Variants in FAM13A observed in about 807,000 individuals in gnomAD.
FAM13A encodes protein FAM13A.
Under a neutral mutation model 129.6 loss-of-function variants are expected in FAM13A, and 76 were observed. The ratio of observed to expected loss-of-function variants is 0.59; its 90% CI spans 0.49 to 0.71. The LOEUF (loss-of-function observed/expected upper bound fraction) is 0.71. Ranked by LOEUF, FAM13A falls within the 30% of genes least tolerant of loss-of-function variation. FAM13A has a pLI of 0.00. For synonymous variants in FAM13A, 443 were observed against 449.9 expected (o/e 0.98, Z 0.20); for missense variants, 1,108 against 1,249.3 (o/e 0.89, Z 1.70).
chr4:88,871,963 A>G (rs1300390661), intron 6 of FAM13A, among the ~76,000 whole-genome samples: 1 of 152,254 alleles, frequency 6.6e-6, no homozygotes, highest in African/African-American at 2.4e-5. Context: ...GAAACTCTAC[A>G]AGCCAGAAGA....
At chr4:88,759,375 C>G (rs981213039) in intron 13 of FAM13A, 5 of 154,884 alleles carry the variant, frequency 3.2e-5, no homozygotes, top group African/African-American at 1.2e-4. Context: ...GAAAGCTCCC[C>G]TGCCGGCCCT....
At chr4:89,029,250 G>A (rs1768380090) in intron 2 of FAM13A, among the ~76,000 whole-genome samples, 1 of 152,150 alleles carries the variant, frequency 6.6e-6, no homozygotes, top group Non-Finnish European at 1.5e-5. Flanking sequence ...TAAAGTGATT[G>A]CTCTATGGTT....
intron 18 of FAM13A, among the ~76,000 whole-genome samples, 166 bp from the exon 19 acceptor site, chr4:88,747,181 G>C (rs1017497759): frequency 1.3e-5 from 2 of 152,166 alleles, no homozygotes; most frequent in African/African-American, 4.8e-5. Context: ...TGAGCTCTTG[G>C]GAGAAACGTG....
intron 10 of FAM13A, among the ~76,000 whole-genome samples, chr4:88,787,068 T>C (rs1724119570): frequency 6.6e-6 from 1 of 152,088 alleles, no homozygotes; most frequent in Admixed American, 6.6e-5. Context: ...TCTATATAAA[T>C]TTATTTTCCT....
intron 4 of FAM13A, among the ~76,000 whole-genome samples, chr4:88,983,580 T>C (rs183704742): frequency 3.3e-5 from 5 of 152,250 alleles, no homozygotes; most frequent in African/African-American, 4.8e-5. Flanking sequence ...TACTTGATAA[T>C]AGATTTAACA....
chr4:88,922,406 A>C (rs2148722912), intron 5 of FAM13A, among the ~76,000 whole-genome samples: 1 of 152,222 alleles, frequency 6.6e-6, no homozygotes, highest in Middle Eastern at 3.4e-3. Context: ...CTCACTCAAA[A>C]CCGCTCAACT....
chr4:88,832,987 C>T (rs1465575998), intron 7 of FAM13A, among the ~76,000 whole-genome samples: 2 of 152,130 alleles, frequency 1.3e-5, no homozygotes, highest in Admixed American at 1.3e-4. Context: ...CCCAAATGCC[C>T]ATCAATGATA....
At chr4:88,734,181 T>A (rs191539148) in intron 21 of FAM13A, among the ~76,000 whole-genome samples, 1,943 of 152,294 alleles carry the variant, frequency 0.013, 43 homozygotes, top group African/African-American at 0.043. Context: ...CATTTTTCCT[T>A]TTTTGATAGA....
intron 13 of FAM13A, among the ~76,000 whole-genome samples, chr4:88,760,859 C>T (rs1336200621): frequency 2.0e-5 from 3 of 146,452 alleles, no homozygotes; most frequent in South Asian, 2.3e-4. Flanking sequence ...GGGTCGTGGG[C>T]GGGGGGAAGC....
intron 6 of FAM13A, among the ~76,000 whole-genome samples, chr4:88,897,857 C>T (rs115031272): frequency 0.017 from 2,576 of 152,236 alleles, 58 homozygotes; most frequent in African/African-American, 0.059. Flanking sequence ...ACAAGCTCTG[C>T]CTCATTTCTG....
chr4:88,747,184 G>A (rs1292495159), intron 18 of FAM13A, among the ~76,000 whole-genome samples, 169 bp from the exon 19 acceptor site: 8 of 152,166 alleles, frequency 5.3e-5, no homozygotes, highest in Non-Finnish European at 1.2e-4. Flanking sequence ...GCTCTTGGGA[G>A]AAACGTGGCC....
intron 7 of FAM13A, among the ~76,000 whole-genome samples, chr4:88,807,785 C>T (rs763490132): frequency 5.3e-5 from 8 of 152,096 alleles, no homozygotes; most frequent in Non-Finnish European, 7.4e-5. Context: ...TATACTGGCA[C>T]GATGTCAAGA....
At chr4:89,051,088 G>C (rs1267148115) in intron 1 of FAM13A, among the ~76,000 whole-genome samples, 1 of 152,162 alleles carries the variant, frequency 6.6e-6, no homozygotes, top group Non-Finnish European at 1.5e-5. Context: ...AATATGCAAG[G>C]AAGTAGCTTA....
chr4:88,822,889 A>G, intron 7 of FAM13A: 1 of 1,560,622 alleles, frequency 6.4e-7, no homozygotes, highest in South Asian at 1.2e-5. Flanking sequence ...GCATGTTACT[A>G]AAAGATGCCA....
At chr4:89,005,148 T>C (rs886422615) in intron 3 of FAM13A, among the ~76,000 whole-genome samples, 4 of 152,206 alleles carry the variant, frequency 2.6e-5, no homozygotes, top group African/African-American at 9.7e-5. Flanking sequence ...CTCCCACTTA[T>C]AAGTGAGAAC....
intron 6 of FAM13A, among the ~76,000 whole-genome samples, chr4:88,860,719 T>C: frequency 6.6e-6 from 1 of 152,210 alleles, no homozygotes; most frequent in South Asian, 2.1e-4. Context: ...TTTCTTTTAA[T>C]GTAGGCCCTA....
intron 4 of FAM13A, among the ~76,000 whole-genome samples, chr4:88,973,131 A>AT (rs70959640): frequency 0.035 from 4,708 of 134,470 alleles, 131 homozygotes; most frequent in Middle Eastern, 0.066. Context: ...CCTAGGCATA[A>AT]TTTTTTTTTT....
chr4:88,989,383 C>T (rs1762665926), intron 4 of FAM13A, among the ~76,000 whole-genome samples: 1 of 152,098 alleles, frequency 6.6e-6, no homozygotes, highest in African/African-American at 2.4e-5. Flanking sequence ...AGGTGGATTG[C>T]TTGAGCCCAG....
chr4:88,752,951 G>A (rs1182620469), intron 14 of FAM13A, among the ~76,000 whole-genome samples: 1 of 152,234 alleles, frequency 6.6e-6, no homozygotes, highest in African/African-American at 2.4e-5. Flanking sequence ...TGGCAAAGCA[G>A]CAAAGCCACT....
Sources: gnomAD v4.1 joint callset for allele counts (sites outside exome capture counted in the v4.1 genomes callset) on GRCh38, gnomAD v4.1.1 for gene constraint, MANE v1.5 for transcripts, NCBI Gene and HGNC (gene_info 2026-07-23, HGNC 2026-07-21) for gene names.